Variants in ZFYVE1 observed in about 807,000 individuals in gnomAD.
ZFYVE1 encodes zinc finger FYVE domain-containing protein 1.
Under a neutral mutation model 74.4 loss-of-function variants are expected in ZFYVE1, and 30 were observed. The observed-to-expected ratio is 0.40, with a 90% CI of 0.30 to 0.55. The LOEUF (loss-of-function observed/expected upper bound fraction) is 0.55. Among genes scored for constraint, ZFYVE1 ranks in the 20% least tolerant of loss-of-function variants. The pLI, the probability that ZFYVE1 is intolerant of heterozygous loss-of-function variation, is 0.42. For missense variants in ZFYVE1, 703 were observed against 1,011.6 expected, an observed-to-expected ratio of 0.69 and a Z score of 4.14; for synonymous variants, 335 against 385.1, an observed-to-expected ratio of 0.87 and a Z score of 1.52.
In ZFYVE1 at chr14:72,970,801, G is replaced by A. The variant is rs1210813467; in HGVS notation, c.*81C>T. 1.4e-5 allele frequency: 20 copies of A among 1,433,448 alleles called. No homozygotes were observed. The highest frequency in any genetic ancestry group is 1.8e-5 in the Non-Finnish European group (19 of 1,046,428). 88.8% of individuals were successfully genotyped at this position (1,433,448 alleles called of 1,614,324 possible). On this transcript the variant is annotated 3_prime_UTR_variant, in exon 12 of 12. Coordinates refer to ENST00000556143, the MANE Select transcript of ZFYVE1 (RefSeq NM_021260.4). ...AGGACACACACCACAGCAGGTGACT[G>A]GGAGGAGGGCCTACCTCGCAAGACT...
chr14:72,994,700 AT>A (rs1893705011), intron 3 of ZFYVE1, among the ~76,000 whole-genome samples: 1 of 152,162 alleles, frequency 6.6e-6, no homozygotes, highest in East Asian at 1.9e-4. Flanking sequence ...ACAGCTCAAT[AT>A]TGGCCCTTTC....
chr14:73,010,144 C>G (rs558929372), intron 2 of ZFYVE1, among the ~76,000 whole-genome samples: 12 of 152,286 alleles, frequency 7.9e-5, no homozygotes, highest in African/African-American at 2.9e-4. Context: ...AACACTCCTT[C>G]CCTCAAAAGG....
At chr14:73,003,990 C>T in intron 2 of ZFYVE1, among the ~76,000 whole-genome samples, 1 of 152,162 alleles carries the variant, frequency 6.6e-6, no homozygotes, top group East Asian at 1.9e-4. Flanking sequence ...ACCCAGGTAC[C>T]TTAAACGCTT....
chr14:73,027,061 G>A lies in ZFYVE1; in HGVS notation c.-570C>T, dbSNP rs1894480226. The A allele has an allele frequency of 2.5e-6, 1 of 399,396 alleles. No homozygotes were observed. The highest frequency in any genetic ancestry group is 4.4e-6 in the Non-Finnish European group (1 of 226,696). The allele number at this position is 399,396 out of a possible 1,614,324, so 24.7% of individuals were successfully genotyped here. ...CCACCCTCCTCCTTCGTTGCCTCCC[G>A]GGCTTCCTCCTCTCCTGTTGTCAGT... On this transcript the variant is annotated 5_prime_UTR_variant, in exon 1 of 12. Coordinates refer to ENST00000556143, the MANE Select transcript of ZFYVE1 (RefSeq NM_021260.4).
In ZFYVE1 at chr14:72,971,069, T is replaced by C. The variant is rs1349995462; in HGVS notation, c.2147A>G (p.His716Arg). 1 of 1,614,128 alleles carries C rather than the reference T, an allele frequency of 6.2e-7. No individual in the cohort carries two copies. The highest frequency in any genetic ancestry group is 8.5e-7 in the Non-Finnish European group (1 of 1,180,028). ...AARPAYWVPD[H>R]EILHCHNCRK... ...GCAGTTGTGGCAGTGGAGGATTTCG[T>C]GGTCAGGCACCCAGTACGCAGGCCT... The change falls in exon 12 of 12, where the codon CAC becomes CGC. Residue 716 changes from histidine to arginine, a missense_variant. Physicochemically the swap from His to Arg is conservative, Grantham distance 29. Coordinates refer to ENST00000556143, the MANE Select transcript of ZFYVE1 (RefSeq NM_021260.4).
chr14:72,979,117 CG>C (rs1364954967), intron 5 of ZFYVE1, 148 bp from the exon 6 acceptor site: 1 of 673,772 alleles, frequency 1.5e-6, no homozygotes, highest in Non-Finnish European at 2.7e-6. Context: ...AAAGGGTAGC[CG>C]GAAACCCACA....
intron 2 of ZFYVE1, among the ~76,000 whole-genome samples, chr14:73,008,476 G>C (rs994145072): frequency 6.6e-6 from 1 of 152,094 alleles, no homozygotes; most frequent in African/African-American, 2.4e-5. Flanking sequence ...GTGTTTCTAT[G>C]CAGAGATGGT....
In ZFYVE1 at chr14:72,993,137, A is replaced by G. The variant is rs1893659385; in HGVS notation, c.1203+6T>C. The stretch of plus-strand genomic sequence containing the variant: ...TGAGAAGCCCTTGGGGCACAAGCCA[A>G]CTGACCTTCAGGGCTTTGAAGATGA... On this transcript the variant is annotated splice_donor_region_variant and intron_variant, in intron 4 of 11. Coordinates refer to ENST00000556143, the MANE Select transcript of ZFYVE1 (RefSeq NM_021260.4). 6.3e-7 allele frequency: 1 copy of G among 1,591,752 alleles called. No homozygotes were observed. Among genetic ancestry groups the G allele is most frequent in the Non-Finnish European group, 8.6e-7 (1 of 1,166,538 alleles).
chr14:73,015,382 GGGGAAGGAAGA>G, intron 2 of ZFYVE1, among the ~76,000 whole-genome samples: 3 of 14,652 alleles, frequency 2.0e-4, no homozygotes, highest in African/African-American at 8.5e-4. Flanking sequence ...GGAAGGAAGG[GGGGAAGGAAGA>G]GGGGAAGGAA....
At chr14:73,022,852 T>C (rs1894345442) in intron 2 of ZFYVE1, among the ~76,000 whole-genome samples, 2 of 152,102 alleles carry the variant, frequency 1.3e-5, no homozygotes, top group Admixed American at 1.3e-4. Flanking sequence ...CACTGGCTTT[T>C]ACTGATCAGA....
At chr14:73,014,447 A>C (rs1321746545) in intron 2 of ZFYVE1, among the ~76,000 whole-genome samples, 3 of 152,180 alleles carry the variant, frequency 2.0e-5, no homozygotes, top group African/African-American at 7.2e-5. Flanking sequence ...CTTTTACTTG[A>C]GTTTCTTTGT....
intron 2 of ZFYVE1, among the ~76,000 whole-genome samples, chr14:73,023,314 TTATATATAATATATATTATATATGTTTTA>T (rs1567366829): frequency 1.2e-5 from 1 of 83,378 alleles, no homozygotes; most frequent in African/African-American, 5.0e-5. Context: ...TATATATGTT[TTATATATAATATATATTATATATGTTTTA>T]TATATAATAT....
intron 6 of ZFYVE1, 28 bp downstream of exon 6, chr14:72,978,833 G>A: frequency 6.2e-7 from 1 of 1,602,318 alleles, no homozygotes; most frequent in Non-Finnish European, 8.6e-7. Context: ...GCCCGCTGCT[G>A]ACACAGGGAG....
rs759674295 is a variant in ZFYVE1 at position 73,024,517 on chromosome 14, T to C, written c.-9A>G. On this transcript the variant is annotated 5_prime_UTR_variant, in exon 2 of 12. Transcript: ENST00000556143. The stretch of plus-strand genomic sequence containing the variant: ...GAAGTCTGGGCACTCATACTCACGC[T>C]GGTAAGGAAACACACCCACCATATA... The C allele has an allele frequency of 1.3e-6, 2 of 1,583,816 alleles. No homozygotes were observed. The highest frequency in any genetic ancestry group is 1.2e-5 in the South Asian group (1 of 86,570).
chr14:73,001,746 C>G (rs1594853057), intron 2 of ZFYVE1, among the ~76,000 whole-genome samples: 2 of 55,340 alleles, frequency 3.6e-5, no homozygotes, highest in Non-Finnish European at 3.8e-5. Context: ...TTGGGAGGCT[C>G]GAGACCAGCC....
chr14:72,990,220 T>A (rs1893575643), intron 4 of ZFYVE1, among the ~76,000 whole-genome samples: 1 of 152,192 alleles, frequency 6.6e-6, no homozygotes, highest in Non-Finnish European at 1.5e-5. Flanking sequence ...CAAAATTCTC[T>A]AGGGAGAACC....
intron 3 of ZFYVE1, 102 bp from the exon 4 acceptor site, chr14:72,993,459 T>C (rs1403855706): frequency 1.8e-6 from 2 of 1,084,268 alleles, no homozygotes; most frequent in Non-Finnish European, 2.6e-6. Context: ...CCCTAGCACT[T>C]TGGGAGGCCA....
At chr14:72,976,720 T>G (rs917028941) in intron 8 of ZFYVE1, among the ~76,000 whole-genome samples, 4 of 147,826 alleles carry the variant, frequency 2.7e-5, no homozygotes, top group African/African-American at 1.0e-4. Context: ...GAGGTGGAGG[T>G]TGCAGTTAGC....
chr14:72,984,401 C>T (rs183026352), intron 4 of ZFYVE1, among the ~76,000 whole-genome samples: 1,550 of 151,886 alleles, frequency 0.01, 14 homozygotes, highest in Middle Eastern at 0.034. Flanking sequence ...TGGTGGCGGG[C>T]GCCTGTAATC....
Sources: gnomAD v4.1 joint callset for allele counts (sites outside exome capture counted in the v4.1 genomes callset) on GRCh38, gnomAD v4.1.1 for gene constraint, MANE v1.5 for transcripts, NCBI Gene and HGNC (gene_info 2026-07-23, HGNC 2026-07-21) for gene names.